The following LRGUK variants were observed in gnomAD, a reference collection of about 807,000 sequenced individuals.
The protein encoded by LRGUK is leucine rich repeats and guanylate kinase domain containing.
A neutral mutation model predicts 76.0 loss-of-function variants in LRGUK; 65 were observed. That is an observed-to-expected ratio of 0.85 (90% confidence interval 0.70 to 1.05). The LOEUF (loss-of-function observed/expected upper bound fraction) is 1.05, where lower values mean the gene tolerates loss of function less well. Among genes scored for constraint, LRGUK ranks in the 50% least tolerant of loss-of-function variants. The pLI is 0.00. For synonymous variants in LRGUK, 268 were observed against 265.6 expected, an observed-to-expected ratio of 1.01 and a Z score of -0.09; for missense variants, 758 against 732.8, an observed-to-expected ratio of 1.03 and a Z score of -0.40.
intron 11 of LRGUK, among the ~76,000 whole-genome samples, chr7:134,188,918 A>G (rs1800085231): frequency 6.6e-6 from 1 of 152,204 alleles, no homozygotes; most frequent in Non-Finnish European, 1.5e-5. Context: ...AGAAAAAAAA[A>G]TACTACTTCC....
At chr7:134,223,346 G>A (rs575971476) in intron 16 of LRGUK, among the ~76,000 whole-genome samples, 1 of 152,330 alleles carries the variant, frequency 6.6e-6, no homozygotes, top group South Asian at 2.1e-4. Context: ...TGCTGTGGTG[G>A]TCATATTAGC....
chr7:134,264,026 C>A (rs774417380), exon 20 of LRGUK: 15 of 1,544,290 alleles, frequency 9.7e-6, no homozygotes, highest in African/African-American at 1.4e-5. Flanking sequence ...CTGCTGATGT[C>A]GAATTCCTTG....
At chr7:134,264,487 G>A (rs982043301) in exon 20 of LRGUK, 15 of 152,226 alleles carry the variant, frequency 9.9e-5, no homozygotes, top group East Asian at 3.9e-4. Flanking sequence ...TTAACTTGTC[G>A]CCAACATGAT....
downstream of LRGUK, among the ~76,000 whole-genome samples, chr7:134,268,001 C>A (rs1372183636): frequency 6.6e-6 from 1 of 151,800 alleles, no homozygotes; most frequent in East Asian, 1.9e-4. Flanking sequence ...TAAAACAGTG[C>A]CGAAAGGGAA....
intron 16 of LRGUK, among the ~76,000 whole-genome samples, chr7:134,232,348 G>A (rs1295664516): frequency 1.3e-5 from 2 of 151,682 alleles, no homozygotes; most frequent in East Asian, 1.9e-4. Flanking sequence ...GCACGATCTC[G>A]GCTCACTGCA....
intron 19 of LRGUK, among the ~76,000 whole-genome samples, chr7:134,259,260 A>G (rs1464887318): frequency 6.6e-6 from 1 of 152,198 alleles, no homozygotes; most frequent in Admixed American, 6.5e-5. Flanking sequence ...CAGTGTTCAC[A>G]AATAACACTG....
chr7:134,159,764 G>T (rs1250739182), intron 6 of LRGUK, among the ~76,000 whole-genome samples: 1 of 152,188 alleles, frequency 6.6e-6, no homozygotes, highest in Non-Finnish European at 1.5e-5. Flanking sequence ...ACTCCAGTCT[G>T]GGTGACAGAG....
At chr7:134,164,135 C>A (rs960071479) in intron 7 of LRGUK, among the ~76,000 whole-genome samples, 3 of 152,114 alleles carry the variant, frequency 2.0e-5, no homozygotes, top group African/African-American at 7.2e-5. Context: ...TGTGATGTAA[C>A]ACATTTCTTA....
At position 134,171,231 on chromosome 7, in the gene LRGUK, C is replaced by A. The variant is rs181189957; in HGVS notation, c.940-3325C>A. Reference sequence around the variant, plus strand: ...GAAGTATTTATTCTGTTCCATTGATCTGTCTGTTGATTCTTATTCCAGTAT... The same window carrying A: ...GAAGTATTTATTCTGTTCCATTGATATGTCTGTTGATTCTTATTCCAGTAT... On this transcript the variant is annotated intron_variant, in intron 7 of 15. Transcript: ENST00000645682. Among the ~76,000 whole-genome samples the A allele has an allele frequency of 6.6e-5, 10 of 151,426 alleles. No homozygotes were observed. The East Asian group carries it at 1.7e-3, about 26-fold the overall frequency.
exon 7 of LRGUK, chr7:134,163,422 C>T (rs374454073): frequency 1.9e-5 from 31 of 1,612,622 alleles, no homozygotes; most frequent in Non-Finnish European, 2.6e-5. Flanking sequence ...GAGATGATCA[C>T]AGGTTTGGAG....
intron 19 of LRGUK, among the ~76,000 whole-genome samples, chr7:134,261,007 C>T (rs759188638): frequency 6.6e-6 from 1 of 152,172 alleles, no homozygotes; most frequent in African/African-American, 2.4e-5. Context: ...GATTTCCCAC[C>T]ATTTGAGTGT....
chr7:134,257,255 A>G (rs2117223473), intron 18 of LRGUK, among the ~76,000 whole-genome samples: 1 of 152,352 alleles, frequency 6.6e-6, no homozygotes, highest in South Asian at 2.1e-4. Context: ...AATATCAGCC[A>G]TTTTCGTGTG....
chr7:134,223,421 A>G (rs1358514254), intron 16 of LRGUK, among the ~76,000 whole-genome samples: 1 of 152,236 alleles, frequency 6.6e-6, no homozygotes, highest in African/African-American at 2.4e-5. Flanking sequence ...GCGGCTTCTC[A>G]GAGGCAGCAG....
chr7:134,206,699 A>G (rs1021761249), intron 15 of LRGUK, among the ~76,000 whole-genome samples: 1 of 152,152 alleles, frequency 6.6e-6, no homozygotes, highest in Non-Finnish European at 1.5e-5. Flanking sequence ...CTACAAAATA[A>G]GGTAAAAACT....
downstream of LRGUK, among the ~76,000 whole-genome samples, chr7:134,267,625 T>G (rs1245375338): frequency 6.6e-6 from 1 of 152,186 alleles, no homozygotes; most frequent in Non-Finnish European, 1.5e-5. Flanking sequence ...TGGCTCTCAT[T>G]CTGTCTTGCC....
At chr7:134,160,631 A>G (rs375711479) in intron 6 of LRGUK, among the ~76,000 whole-genome samples, 26 of 152,330 alleles carry the variant, frequency 1.7e-4, no homozygotes, top group African/African-American at 5.8e-4. Context: ...TATGATAAAT[A>G]TAAGGGGAAA....
At chr7:134,238,783 C>G (rs1007173456) in intron 16 of LRGUK, among the ~76,000 whole-genome samples, 1 of 152,120 alleles carries the variant, frequency 6.6e-6, no homozygotes, top group Non-Finnish European at 1.5e-5. Flanking sequence ...CCACTAGATA[C>G]TTTCTGTTGC....
chr7:134,174,442 G>A, intron 7 of LRGUK, 114 bp from the exon 8 acceptor site: 2 of 674,152 alleles, frequency 3.0e-6, no homozygotes, highest in Admixed American at 2.6e-5. Flanking sequence ...GCTAGACAGA[G>A]CAATTTTTAA....
rs1380647326 is a variant in LRGUK, at chr7:134,232,050, T to C, written c.1983+10132T>C. Among the ~76,000 whole-genome samples the C allele has an allele frequency of 2.6e-5, 4 of 152,140 alleles. No individual in the cohort carries two copies. The East Asian group carries it at 7.7e-4, about 29-fold the overall frequency. ...TTGATTTTTCAATATCAGCAGACAT[T>C]TCCTGATCAGACCCTGCTGCAGACA... On this transcript the variant is annotated intron_variant, in intron 16 of 19. Transcript: ENST00000285928.
Sources: gnomAD v4.1 joint callset for allele counts (sites outside exome capture counted in the v4.1 genomes callset) on GRCh38, gnomAD v4.1.1 for gene constraint, MANE v1.5 for transcripts, NCBI Gene and HGNC (gene_info 2026-07-23, HGNC 2026-07-21) for gene names.